The following SCFD2 variants were observed in gnomAD, a reference collection of about 807,000 sequenced individuals.
The protein encoded by SCFD2 is sec1 family domain containing 2, also known as sec1 family domain-containing protein 2.
Under a neutral mutation model 58.9 loss-of-function variants are expected in SCFD2, and 54 were observed. The observed-to-expected ratio is 0.92, with a 90% CI of 0.74 to 1.15. The LOEUF is 1.15. Among genes scored for constraint, SCFD2 ranks in the 50% most tolerant of loss-of-function variants. SCFD2 has a pLI of 0.00. For missense variants in SCFD2, 805 were observed against 836.6 expected (o/e 0.96, Z 0.47); for synonymous variants, 321 against 335.9 (o/e 0.96, Z 0.49).
At chr4:53,036,330 T>C (rs1462026876) in intron 5 of SCFD2, among the ~76,000 whole-genome samples, 1 of 151,778 alleles carries the variant, frequency 6.6e-6, no homozygotes, top group Admixed American at 6.6e-5. Flanking sequence ...GTCCTTGTGA[T>C]AGTTTGCTTA....
chr4:52,936,456 A>G (rs1720141059), intron 5 of SCFD2, among the ~76,000 whole-genome samples: 1 of 152,166 alleles, frequency 6.6e-6, no homozygotes, highest in South Asian at 2.1e-4. Flanking sequence ...TCAGGTACAT[A>G]TATTTTTGTA....
intron 4 of SCFD2, among the ~76,000 whole-genome samples, chr4:53,164,340 C>T (rs545213276): frequency 6.6e-6 from 1 of 152,156 alleles, no homozygotes; most frequent in Non-Finnish European, 1.5e-5. Flanking sequence ...ACAGCCAACT[C>T]CTTCAGACTC....
intron 4 of SCFD2, among the ~76,000 whole-genome samples, chr4:53,163,388 C>T (rs1392560819): frequency 6.6e-5 from 10 of 152,116 alleles, no homozygotes; most frequent in Non-Finnish European, 1.3e-4. Context: ...AAATGAACCA[C>T]CGCTCCTCTA....
chr4:52,922,547 T>C (rs1348098121), intron 5 of SCFD2, among the ~76,000 whole-genome samples: 2 of 152,228 alleles, frequency 1.3e-5, no homozygotes, highest in Admixed American at 6.5e-5. Flanking sequence ...TAATATTTCA[T>C]TGTATATAGA....
At chr4:52,898,024 C>G (rs185382029) in intron 7 of SCFD2, among the ~76,000 whole-genome samples, 1 of 151,968 alleles carries the variant, frequency 6.6e-6, no homozygotes, top group Non-Finnish European at 1.5e-5. Context: ...TTTGTTATTG[C>G]GTCTATTTGA....
intron 5 of SCFD2, among the ~76,000 whole-genome samples, chr4:53,106,405 G>A (rs1577732362): frequency 6.6e-6 from 1 of 152,206 alleles, no homozygotes; most frequent in East Asian, 1.9e-4. Context: ...TTCAGAAGGT[G>A]GGTAATAAGA....
chr4:53,166,152 G>A (rs6554068), intron 4 of SCFD2, among the ~76,000 whole-genome samples: 101,799 of 152,076 alleles, frequency 0.67, 34,330 homozygotes, highest in South Asian at 0.75. Flanking sequence ...TATATACTAC[G>A]TATTGTTTAT....
chr4:53,070,156 T>G (rs1196409250), intron 5 of SCFD2, among the ~76,000 whole-genome samples: 2 of 151,932 alleles, frequency 1.3e-5, no homozygotes, highest in Admixed American at 6.6e-5. Flanking sequence ...CTATGCACAA[T>G]AAAAACAAAA....
intron 2 of SCFD2, among the ~76,000 whole-genome samples, chr4:53,337,478 C>T (rs1270645071): frequency 6.6e-6 from 1 of 152,020 alleles, no homozygotes; most frequent in African/African-American, 2.4e-5. Flanking sequence ...CAAATGTTGG[C>T]AAGAATGAGG....
chr4:53,172,746 T>C (rs1215245469), intron 4 of SCFD2, among the ~76,000 whole-genome samples: 1 of 152,230 alleles, frequency 6.6e-6, no homozygotes, highest in Non-Finnish European at 1.5e-5. Flanking sequence ...TCAGACTTGT[T>C]TTGTGGCCCA....
chr4:53,030,076 A>G (rs1296460654), intron 5 of SCFD2, among the ~76,000 whole-genome samples: 4 of 152,218 alleles, frequency 2.6e-5, no homozygotes, highest in Admixed American at 2.6e-4. Flanking sequence ...TTGCAAAATA[A>G]TATCTGTTAA....
At chr4:52,981,880 G>T (rs990303110) in intron 5 of SCFD2, among the ~76,000 whole-genome samples, 4 of 152,180 alleles carry the variant, frequency 2.6e-5, no homozygotes, top group African/African-American at 9.7e-5. Flanking sequence ...CTACTGTTGG[G>T]AGGAGAAAGA....
intron 4 of SCFD2, among the ~76,000 whole-genome samples, chr4:53,272,181 G>T (rs1161420674): frequency 3.9e-5 from 6 of 152,064 alleles, no homozygotes; most frequent in African/African-American, 1.2e-4. Flanking sequence ...TTAGAATGGC[G>T]ATCATTAAAA....
intron 4 of SCFD2, among the ~76,000 whole-genome samples, chr4:53,234,424 A>G (rs1281144580): frequency 6.6e-6 from 1 of 152,200 alleles, no homozygotes; most frequent in Non-Finnish European, 1.5e-5. Flanking sequence ...CTCTCTATAA[A>G]TAATACAGTA....
chr4:53,314,034 T>C (rs566700120), intron 2 of SCFD2, among the ~76,000 whole-genome samples: 1 of 152,258 alleles, frequency 6.6e-6, no homozygotes, highest in East Asian at 1.9e-4. Context: ...ATGTGATAAA[T>C]TTTTTCAAAG....
chr4:53,256,089 G>A lies in SCFD2; in HGVS notation c.1311+17737C>T, dbSNP rs1284523193. Among the ~76,000 whole-genome samples the A allele has an allele frequency of 5.3e-5, 8 of 151,460 alleles. 1 individual carries two copies. The highest frequency in any genetic ancestry group is 4.2e-4 in the South Asian group (2 of 4,786). ...GCTGACCCCCACCTCCCTCCCGGAC[G>A]GGGTGGCTGCCGGGCGGAGACGCTC... On this transcript the variant is annotated intron_variant, in intron 4 of 8. Transcript: ENST00000401642.
intron 5 of SCFD2, among the ~76,000 whole-genome samples, chr4:53,064,330 C>T (rs1380499302): frequency 6.6e-6 from 1 of 152,022 alleles, no homozygotes; most frequent in East Asian, 1.9e-4. Flanking sequence ...TGTCCACCAA[C>T]ACATACCATT....
intron 4 of SCFD2, among the ~76,000 whole-genome samples, chr4:53,204,154 A>AC (rs1462992502): frequency 1.3e-5 from 2 of 151,812 alleles, no homozygotes; most frequent in Non-Finnish European, 1.5e-5. Flanking sequence ...AAAGCCACAA[A>AC]CCCCCCATAA....
At chr4:53,208,800 CTAAG>C (rs1728515457) in intron 4 of SCFD2, among the ~76,000 whole-genome samples, 1 of 152,148 alleles carries the variant, frequency 6.6e-6, no homozygotes, top group Admixed American at 6.5e-5. Flanking sequence ...AATTGATAAA[CTAAG>C]TGAGCAATGT....
Sources: gnomAD v4.1 joint callset for allele counts (sites outside exome capture counted in the v4.1 genomes callset) on GRCh38, gnomAD v4.1.1 for gene constraint, MANE v1.5 for transcripts, NCBI Gene and HGNC (gene_info 2026-07-23, HGNC 2026-07-21) for gene names.